The following ANK2 variants were observed in gnomAD, a reference collection of about 807,000 sequenced individuals.
ANK2 encodes ankyrin-2.
ANK2 carries 83 observed loss-of-function variants against 360.5 expected under a neutral mutation model. The ratio of observed to expected loss-of-function variants is 0.23; its 90% CI spans 0.19 to 0.28. The LOEUF is 0.28. ANK2 is among the 10% of genes least tolerant of loss of function. The pLI, the probability that ANK2 is intolerant of heterozygous loss-of-function variation, is 1.00. For synonymous variants in ANK2, 1,740 were observed against 1,759.5 expected (o/e 0.99, Z 0.28); for missense variants, 4,201 against 4,795.7 (o/e 0.88, Z 3.66).
At chr4:113,342,560 C>T (rs900990140) in intron 33 of ANK2, among the ~76,000 whole-genome samples, 7 of 151,998 alleles carry the variant, frequency 4.6e-5, no homozygotes, top group Non-Finnish European at 8.8e-5. Context: ...ATTAGCTGGG[C>T]GTGGTGGCAG....
chr4:113,258,195 C>T (rs1382473184), intron 12 of ANK2, 47 bp downstream of exon 12: 2 of 1,577,996 alleles, frequency 1.3e-6, no homozygotes, highest in East Asian at 4.5e-5. Flanking sequence ...TCTCTTACTC[C>T]TTCCTCCCTT....
chr4:113,064,085 T>C (rs1452796216), intron 1 of ANK2, among the ~76,000 whole-genome samples: 1 of 152,144 alleles, frequency 6.6e-6, no homozygotes, highest in African/African-American at 2.4e-5. Context: ...CTCCTCCCAG[T>C]GGAAGTCATT....
At chr4:112,953,515 A>T (rs2154254313) in intron 2 of ANK2, among the ~76,000 whole-genome samples, 1 of 152,344 alleles carries the variant, frequency 6.6e-6, no homozygotes, top group Non-Finnish European at 1.5e-5. Context: ...CAGTCCTTAC[A>T]CAATTGTTGG....
chr4:112,959,805 GC>G (rs1314421156), intron 2 of ANK2, among the ~76,000 whole-genome samples: 1 of 152,112 alleles, frequency 6.6e-6, no homozygotes, highest in Non-Finnish European at 1.5e-5. Flanking sequence ...GAATTGTCAA[GC>G]CCAGCTCCAG....
chr4:113,373,610 T>C, intron 45 of ANK2, 161 bp downstream of exon 45: 1 of 836,580 alleles, frequency 1.2e-6, no homozygotes, highest in Non-Finnish European at 2.1e-6. Context: ...CATGATTCTA[T>C]GTGATTTTAA....
At chr4:112,717,682 G>T in the ANK2 span, among the ~76,000 whole-genome samples, 1 of 152,062 alleles carries the variant, frequency 6.6e-6, no homozygotes, top group Non-Finnish European at 1.5e-5. Flanking sequence ...AAGCCAATAT[G>T]CTTTAGTGCT....
At chr4:113,375,490 C>G (rs183739726) in intron 45 of ANK2, among the ~76,000 whole-genome samples, 5 of 151,930 alleles carry the variant, frequency 3.3e-5, no homozygotes, top group Admixed American at 6.6e-5. Context: ...CTTTGGGAGG[C>G]CGAGGCAGGC....
intron 2 of ANK2, among the ~76,000 whole-genome samples, chr4:113,189,104 C>T (rs1305193037): frequency 1.3e-5 from 2 of 152,062 alleles, no homozygotes; most frequent in African/African-American, 2.4e-5. Flanking sequence ...CACACAAATA[C>T]AATAAATTGG....
intron 1 of ANK2, among the ~76,000 whole-genome samples, chr4:113,068,820 G>C (rs1485349155): frequency 1.3e-5 from 2 of 152,156 alleles, no homozygotes; most frequent in Non-Finnish European, 2.9e-5. Context: ...CAGCACTTTG[G>C]GAGGCTGAGG....
In ANK2 at chr4:112,854,532, G is replaced by C. The variant is rs1044936280; in HGVS notation, c.-40+36268G>C. Reference sequence around the variant, plus strand: ...GGACATGAGCTGGGAGACTATTGTAGCCTCCAGGTGAGAGATGAGGGCTGG... The same window carrying C: ...GGACATGAGCTGGGAGACTATTGTACCCTCCAGGTGAGAGATGAGGGCTGG... On this transcript the variant is annotated intron_variant, in intron 1 of 30. Transcript: ENST00000503271. Among the ~76,000 whole-genome samples the C allele has an allele frequency of 7.2e-5, 11 of 152,158 alleles. No homozygotes were observed. The South Asian group carries it at 2.3e-3, about 32-fold the overall frequency.
chr4:112,920,198 A>G (rs2091092467), intron 2 of ANK2, among the ~76,000 whole-genome samples: 1 of 152,172 alleles, frequency 6.6e-6, no homozygotes, highest in Non-Finnish European at 1.5e-5. Flanking sequence ...CATGTAATAT[A>G]CACTAACCCT....
chr4:112,709,070 C>G, the ANK2 span, among the ~76,000 whole-genome samples: 4 of 152,144 alleles, frequency 2.6e-5, no homozygotes, highest in Non-Finnish European at 4.4e-5. Flanking sequence ...TAAGTTCATT[C>G]TGCTAAGGGA....
At chr4:112,847,347 A>C (rs1023482956) in intron 1 of ANK2, among the ~76,000 whole-genome samples, 25 of 152,158 alleles carry the variant, frequency 1.6e-4, no homozygotes, top group Non-Finnish European at 3.4e-4. Context: ...AGTTGTTCGA[A>C]CTAGAAATCT....
chr4:113,064,082 C>G (rs1289174444), intron 1 of ANK2, among the ~76,000 whole-genome samples: 1 of 152,056 alleles, frequency 6.6e-6, no homozygotes, highest in Non-Finnish European at 1.5e-5. Context: ...ACTCTCCTCC[C>G]AGTGGAAGTC....
In ANK2 at chr4:112,850,504, CTTTTTTTTTTTTTTTTTT is replaced by C. The variant is rs60510554; in HGVS notation, c.-40+32253_-40+32270del. On this transcript the variant is annotated intron_variant, in intron 1 of 30. Coordinates refer to the ANK2 transcript ENST00000503271. The stretch of plus-strand genomic sequence containing the variant: ...TTTTTTTAACATTTCCTGTGCTAGT[CTTTTTTTTTTTTTTTTTT>C]TTTTTTTTTTTTGAGACAGAGTCTC... 1.0e-3 allele frequency among the ~76,000 whole-genome samples: 6 copies of C among 5,820 alleles called. 2 individuals are homozygous for C. In the South Asian group the frequency reaches 0.061, roughly 59 times the overall value. 3.8% of individuals were successfully genotyped at this position (5,820 alleles called of 152,430 possible).
intron 1 of ANK2, among the ~76,000 whole-genome samples, chr4:112,875,631 C>G (rs1355200912): frequency 6.6e-6 from 1 of 151,660 alleles, no homozygotes; most frequent in Non-Finnish European, 1.5e-5. Flanking sequence ...CCACCACGCA[C>G]AGCCCCTTAT....
intron 22 of ANK2, among the ~76,000 whole-genome samples, chr4:113,299,304 A>C (rs2073656543): frequency 6.6e-6 from 1 of 152,216 alleles, no homozygotes; most frequent in Non-Finnish European, 1.5e-5. Flanking sequence ...TCCTTATTGA[A>C]ATGTTTACTA....
At position 113,180,312 on chromosome 4, in the gene ANK2, A is replaced by G. The variant is rs188148499; in HGVS notation, c.186+5795A>G. On this transcript the variant is annotated intron_variant, in intron 2 of 45. Transcript: ENST00000357077. Reference sequence around the variant, plus strand: ...GGCCTGAGTTTTCTCAACTGGAGTGAGCATAACAACACTGAAGTTTTAGGG... The same window carrying G: ...GGCCTGAGTTTTCTCAACTGGAGTGGGCATAACAACACTGAAGTTTTAGGG... Among the ~76,000 whole-genome samples, 598 of 152,356 alleles carry G rather than the reference A, an allele frequency of 3.9e-3. 5 individuals are homozygous for G. Among genetic ancestry groups the G allele is most frequent in the African/African-American group, 0.014 (565 of 41,580 alleles).
rs1331528280 is a variant in ANK2 at position 113,355,176 on chromosome 4, G to A, written c.6558G>A (p.Glu2186=). The A allele has an allele frequency of 1.2e-6, 2 of 1,613,984 alleles. No homozygotes were observed. Among genetic ancestry groups the A allele is most frequent in the African/African-American group, 2.7e-5 (2 of 74,916 alleles). ...TTCCACTCGACTACATGAAAGATGA[G>A]TTCCTTCCAGCTCTGTCTTTACAAA... The part of the protein sequence containing the change: ...TTFPLDYMKD[E]FLPALSLQSG... Residue 2186 remains glutamate, a synonymous_variant, in exon 38 of 46, where the codon GAG becomes GAA. Transcript: ENST00000357077.
Sources: allele counts gnomAD v4.1 joint callset (sites outside exome capture counted in the v4.1 genomes callset), GRCh38; gene constraint gnomAD v4.1.1; transcripts MANE v1.5; gene names NCBI Gene and HGNC (gene_info 2026-07-23, HGNC 2026-07-21).